Variants in ZRANB1 observed in about 807,000 individuals in gnomAD.
ZRANB1 encodes zinc finger RANBP2-type containing 1.
In ZRANB1, 16 loss-of-function variants were observed where a neutral mutation model predicts 80.5. The ratio of observed to expected loss-of-function variants is 0.20; its 90% CI spans 0.13 to 0.30. The LOEUF (loss-of-function observed/expected upper bound fraction) is 0.30, where lower values mean the gene tolerates loss of function less well. Among genes scored for constraint, ZRANB1 ranks in the 10% least tolerant of loss-of-function variants. ZRANB1 has a pLI of 1.00. For missense variants in ZRANB1, 576 were observed against 862.6 expected (o/e 0.67, Z 4.16); for synonymous variants, 291 against 293.1 (o/e 0.99, Z 0.07).
At chr10:124,933,234 TCAAGC>T in the ZRANB1 span, among the ~76,000 whole-genome samples, 118,926 of 150,494 alleles carry the variant, frequency 0.79, 48,389 homozygotes, top group East Asian at 0.95. Context: ...CCTCCCAGGT[TCAAGC>T]GATTCTCCTG....
upstream of ZRANB1, among the ~76,000 whole-genome samples, chr10:124,938,269 C>A (rs1163537661): frequency 6.6e-6 from 1 of 152,052 alleles, no homozygotes; most frequent in African/African-American, 2.4e-5. Flanking sequence ...GTTATCCTTA[C>A]TGTTCAGTGC....
the ZRANB1 span, among the ~76,000 whole-genome samples, chr10:124,924,480 C>T: frequency 6.6e-6 from 1 of 152,120 alleles, no homozygotes; most frequent in East Asian, 1.9e-4. Flanking sequence ...ATTAAGGAGT[C>T]ATTTCCGCCT....
intron 1 of ZRANB1, among the ~76,000 whole-genome samples, chr10:124,964,485 AGAAG>A (rs2134278800): frequency 6.6e-6 from 1 of 152,330 alleles, no homozygotes; most frequent in East Asian, 1.9e-4. Context: ...TCCAAGCAAA[AGAAG>A]GAAGTTATTT....
Position 124,986,987 on chromosome 10 carries a change from A to G in ZRANB1, c.*1995A>G, listed in dbSNP as rs1024176718. On this transcript the variant is annotated 3_prime_UTR_variant, in exon 9 of 9. Transcript: ENST00000359653. ...TCTATTATTTATTTATTTATTATCAATCAGTGACCCTGACCACATAGTGTG... is the reference window on the plus strand; with the variant it reads ...TCTATTATTTATTTATTTATTATCAGTCAGTGACCCTGACCACATAGTGTG... 14 of 150,274 alleles carry G rather than the reference A, an allele frequency of 9.3e-5. No individual in the cohort carries two copies. The highest frequency in any genetic ancestry group is 2.6e-4 in the Admixed American group (4 of 15,160). 9.3% of individuals were successfully genotyped at this position (150,274 alleles called of 1,614,324 possible).
intron 1 of ZRANB1, among the ~76,000 whole-genome samples, chr10:124,948,872 G>A (rs1951606938): frequency 6.6e-6 from 1 of 152,170 alleles, no homozygotes; most frequent in South Asian, 2.1e-4. Flanking sequence ...ATGAACGAAT[G>A]AATATTTTTG....
At chr10:124,923,385 A>C in the ZRANB1 span, among the ~76,000 whole-genome samples, 4 of 151,810 alleles carry the variant, frequency 2.6e-5, no homozygotes, top group African/African-American at 7.3e-5. Flanking sequence ...CGAGATCAGG[A>C]GTTCGAGACC....
the ZRANB1 span, among the ~76,000 whole-genome samples, chr10:124,930,154 T>G: frequency 1.3e-5 from 2 of 152,208 alleles, no homozygotes; most frequent in African/African-American, 4.8e-5. Flanking sequence ...GTCCCCATTT[T>G]TTCAGATGTG....
chr10:124,976,262 T>C (rs1231337394), intron 5 of ZRANB1, among the ~76,000 whole-genome samples: 2 of 152,194 alleles, frequency 1.3e-5, no homozygotes, highest in Non-Finnish European at 2.9e-5. Flanking sequence ...GCTCTGCCGG[T>C]CTGGCCCTCT....
At chr10:124,918,980 C>T in the ZRANB1 span, among the ~76,000 whole-genome samples, 1 of 152,130 alleles carries the variant, frequency 6.6e-6, no homozygotes, top group African/African-American at 2.4e-5. Context: ...TGCCTCAGAG[C>T]ATTGGGACAC....
At chr10:124,966,327 A>G (rs542886226) in intron 1 of ZRANB1, among the ~76,000 whole-genome samples, 15 of 152,162 alleles carry the variant, frequency 9.9e-5, no homozygotes, top group African/African-American at 2.6e-4. Context: ...CAATTCATGC[A>G]GCCTAATAGT....
intron 1 of ZRANB1, among the ~76,000 whole-genome samples, chr10:124,955,483 G>C (rs774341126): frequency 3.9e-5 from 6 of 152,120 alleles, no homozygotes; most frequent in African/African-American, 7.2e-5. Flanking sequence ...AGGAAAGTGA[G>C]TGCTAGAGTA....
At chr10:124,917,563 C>T in the ZRANB1 span, among the ~76,000 whole-genome samples, 1 of 152,216 alleles carries the variant, frequency 6.6e-6, no homozygotes, top group Non-Finnish European at 1.5e-5. Flanking sequence ...CGCCGCTCTT[C>T]CGCCAGATTT....
chr10:124,931,246 A>AT, the ZRANB1 span, among the ~76,000 whole-genome samples: 4 of 151,726 alleles, frequency 2.6e-5, no homozygotes, highest in African/African-American at 7.3e-5. Flanking sequence ...CTTTATAACG[A>AT]TTTTTTGTAG....
At chr10:124,928,737 T>C in the ZRANB1 span, among the ~76,000 whole-genome samples, 2 of 152,162 alleles carry the variant, frequency 1.3e-5, no homozygotes, top group Non-Finnish European at 2.9e-5. Context: ...GAGAGACAAA[T>C]GAAGAAAGAA....
chr10:124,937,540 A>T (rs1258313971), upstream of ZRANB1, among the ~76,000 whole-genome samples: 5 of 152,130 alleles, frequency 3.3e-5, no homozygotes, highest in African/African-American at 1.2e-4. Context: ...TGGTTGGGGA[A>T]ATTTGTAGTG....
chr10:124,943,369 A>G, intron 1 of ZRANB1, 62 bp downstream of exon 1: 1 of 1,501,994 alleles, frequency 6.7e-7, no homozygotes, highest in South Asian at 1.3e-5. Flanking sequence ...AATGATATGA[A>G]AAGAGCTGGG....
At position 124,985,160 on chromosome 10, in the gene ZRANB1, G is replaced by T; in HGVS notation, c.*168G>T. ...CACACCTTATGGAGATAATGCCTCT[G>T]CTGCGTGAGGAGACAGAGAACTTTA... On this transcript the variant is annotated 3_prime_UTR_variant, in exon 9 of 9. Transcript: ENST00000359653. 3.7e-6 allele frequency: 2 copies of T among 547,298 alleles called. No individual in the cohort carries two copies. The highest frequency in any genetic ancestry group is 4.3e-4 in the Middle Eastern group (1 of 2,344). The allele number at this position is 547,298 out of a possible 1,614,324, so 33.9% of individuals were successfully genotyped here. A position where few individuals can be genotyped will look rare whatever the true frequency, so the allele number is the denominator to read the frequency against.
chr10:124,983,449 CTCTT>C lies in ZRANB1; in HGVS notation c.1679-7_1679-4del. The C allele has an allele frequency of 1.2e-6, 2 of 1,604,054 alleles. No individual in the cohort carries two copies. The highest frequency in any genetic ancestry group is 1.7e-6 in the Non-Finnish European group (2 of 1,172,664). ...TGTGACTGTTGGGATTTTCTTCCCT[CTCTT>C]TCCAGGTGTTTATCTGCCTTTGTTG... On this transcript the variant is annotated splice_region_variant and splice_polypyrimidine_tract_variant and intron_variant, in intron 7 of 8. Coordinates refer to ENST00000359653, the MANE Select transcript of ZRANB1 (RefSeq NM_017580.3). The surrounding 1 kb of genome is among the most constrained non-coding windows in gnomAD (Gnocchi z 6.2).
At chr10:124,950,294 T>C (rs1452377454) in intron 1 of ZRANB1, among the ~76,000 whole-genome samples, 1 of 151,674 alleles carries the variant, frequency 6.6e-6, no homozygotes, top group Non-Finnish European at 1.5e-5. Flanking sequence ...CTGGCTAATT[T>C]TGCATTTTTT....
Sources: allele counts gnomAD v4.1 joint callset (sites outside exome capture counted in the v4.1 genomes callset), GRCh38; gene constraint gnomAD v4.1.1; non-coding constraint Gnocchi (gnomAD v3.1); transcripts MANE v1.5; gene names NCBI Gene and HGNC (gene_info 2026-07-23, HGNC 2026-07-21).